ZMYM2: variants seen among roughly 807,000 people sequenced by gnomAD.
The protein encoded by ZMYM2 is zinc finger MYM-type protein 2.
In ZMYM2, 56 loss-of-function variants were observed where a neutral mutation model predicts 162.8. The observed-to-expected ratio is 0.34, with a 90% confidence interval of 0.28 to 0.43. ZMYM2 has a LOEUF of 0.43. Ranked by LOEUF, ZMYM2 falls within the 20% of genes least tolerant of loss-of-function variation. The pLI, the probability that ZMYM2 is intolerant of heterozygous loss-of-function variation, is 1.00. For synonymous variants in ZMYM2, 510 were observed against 541.6 expected, an observed-to-expected ratio of 0.94 and a Z score of 0.81; for missense variants, 1,275 against 1,621.8, an observed-to-expected ratio of 0.79 and a Z score of 3.67.
the ZMYM2 span, among the ~76,000 whole-genome samples, chr13:19,897,072 CAAAA>C: frequency 9.0e-6 from 1 of 111,444 alleles, no homozygotes. Flanking sequence ...GACTCTGCCT[CAAAA>C]AAAAAAAAAA....
chr13:20,072,571 C>T (rs1244810169), intron 21 of ZMYM2, among the ~76,000 whole-genome samples: 1 of 151,982 alleles, frequency 6.6e-6, no homozygotes, highest in Admixed American at 6.6e-5. Flanking sequence ...GGGAAATATT[C>T]CTTCCTCCTA....
the ZMYM2 span, among the ~76,000 whole-genome samples, chr13:19,941,268 G>A: frequency 2.6e-5 from 4 of 151,008 alleles, no homozygotes; most frequent in South Asian, 2.1e-4. Flanking sequence ...AGATTGTGCC[G>A]CTGCACTCCA....
the ZMYM2 span, among the ~76,000 whole-genome samples, chr13:19,912,889 C>T: frequency 6.6e-6 from 1 of 152,152 alleles, no homozygotes; most frequent in East Asian, 1.9e-4. Context: ...GTTACACCTG[C>T]CCCCAACTAT....
intron 3 of ZMYM2, among the ~76,000 whole-genome samples, chr13:19,997,021 C>T (rs747796347): frequency 4.6e-5 from 7 of 152,140 alleles, no homozygotes; most frequent in East Asian, 1.9e-4. Context: ...CAGCAGCCTG[C>T]GCAACACAGT....
chr13:20,057,429 C>T (rs766245107), intron 14 of ZMYM2, among the ~76,000 whole-genome samples: 17 of 152,006 alleles, frequency 1.1e-4, no homozygotes, highest in Admixed American at 1.3e-4. Context: ...TGAGCCAATG[C>T]CCCCGGCCAG....
intron 3 of ZMYM2, among the ~76,000 whole-genome samples, chr13:19,995,479 C>G (rs1023809855): frequency 9.2e-5 from 14 of 152,130 alleles, no homozygotes; most frequent in African/African-American, 3.1e-4. Flanking sequence ...GGTGCAATCT[C>G]GGCTGACTGC....
chr13:19,892,628 A>G, the ZMYM2 span, among the ~76,000 whole-genome samples: 1 of 151,292 alleles, frequency 6.6e-6, no homozygotes, highest in Non-Finnish European at 1.5e-5. Flanking sequence ...TTTTGTGGGA[A>G]TTACATTTTT....
chr13:19,965,427 G>A (rs1195981167), intron 2 of ZMYM2: 6 of 405,414 alleles, frequency 1.5e-5, no homozygotes, highest in African/African-American at 1.1e-4. Flanking sequence ...GGAATATCAA[G>A]TTGGACTAGA....
chr13:20,015,409 A>G (rs1049251455), intron 6 of ZMYM2, among the ~76,000 whole-genome samples: 1 of 152,200 alleles, frequency 6.6e-6, no homozygotes, highest in African/African-American at 2.4e-5. Context: ...TGTGCATTTG[A>G]GAAGAATGTT....
intron 21 of ZMYM2, among the ~76,000 whole-genome samples, chr13:20,074,233 T>TGA (rs1374730715): frequency 4.9e-5 from 7 of 143,098 alleles, no homozygotes; most frequent in African/African-American, 2.0e-4. Context: ...TGTGTGTGTG[T>TGA]GTGTGAGAGA....
Position 20,083,707 on chromosome 13 carries a change from A to C in ZMYM2, c.3872A>C (p.Glu1291Ala). Residue 1291 changes from glutamate to alanine, a missense_variant, in exon 24 of 25, where the codon GAA becomes GCA. By Grantham distance (107) the Glu-to-Ala change is moderately radical. Coordinates refer to ENST00000610343, the MANE Select transcript of ZMYM2 (RefSeq NM_197968.4). Reference sequence around the variant, plus strand: ...CATGAAGATGATGAGCCAGTATTTGAACAAATTGAAAACACAGCCAATCCT... The same window carrying C: ...CATGAAGATGATGAGCCAGTATTTGCACAAATTGAAAACACAGCCAATCCT... ...RKHEDDEPVF[E>A]QIENTANPSR... The C allele has an allele frequency of 1.3e-6, 2 of 1,589,436 alleles. No individual in the cohort carries two copies. The highest frequency in any genetic ancestry group is 1.7e-6 in the Non-Finnish European group (2 of 1,165,626).
chr13:20,054,996 GTTT>G (rs34930892), intron 14 of ZMYM2, among the ~76,000 whole-genome samples: 17 of 142,920 alleles, frequency 1.2e-4, no homozygotes, highest in South Asian at 8.9e-4. Flanking sequence ...ACATGGGGTT[GTTT>G]TTTTTTTTTT....
the ZMYM2 span, among the ~76,000 whole-genome samples, chr13:19,940,701 AT>A: frequency 2.0e-5 from 3 of 152,194 alleles, no homozygotes; most frequent in East Asian, 5.8e-4. Flanking sequence ...CTACAATTCA[AT>A]TTCTCTAGGT....
intron 2 of ZMYM2, among the ~76,000 whole-genome samples, chr13:19,961,219 A>G (rs941574145): frequency 2.0e-5 from 3 of 152,058 alleles, no homozygotes; most frequent in Non-Finnish European, 4.4e-5. Context: ...AAAATTATCA[A>G]TACGTGCCCA....
the ZMYM2 span, among the ~76,000 whole-genome samples, chr13:19,909,406 T>C: frequency 6.6e-6 from 1 of 151,060 alleles, no homozygotes; most frequent in African/African-American, 2.4e-5. Context: ...CCCTCCTCAT[T>C]TTTTCTTCTT....
At chr13:19,919,797 C>G in the ZMYM2 span, among the ~76,000 whole-genome samples, 2 of 151,986 alleles carry the variant, frequency 1.3e-5, no homozygotes, top group Non-Finnish European at 2.9e-5. Context: ...CCTGCCTCAG[C>G]CTCCTGAGTA....
intron 2 of ZMYM2, among the ~76,000 whole-genome samples, chr13:19,986,129 C>T (rs1470206591): frequency 2.0e-5 from 3 of 151,956 alleles, no homozygotes; most frequent in Non-Finnish European, 4.4e-5. Context: ...TTGGAGGTTG[C>T]AGTGTTGCAG....
At chr13:20,067,107 G>A (rs948322925) in intron 20 of ZMYM2, 88 bp downstream of exon 20, 21 of 1,409,764 alleles carry the variant, frequency 1.5e-5, no homozygotes, top group Middle Eastern at 3.9e-4. Flanking sequence ...AAACATAAAT[G>A]TAACTTAAAA....
chr13:19,958,580 C>T (rs1363681360), upstream of ZMYM2: 5 of 151,640 alleles, frequency 3.3e-5, no homozygotes, highest in African/African-American at 4.8e-5. Flanking sequence ...CCCTTCGGAC[C>T]ACCCTACCGA....
Sources: allele counts gnomAD v4.1 joint callset (sites outside exome capture counted in the v4.1 genomes callset), GRCh38; gene constraint gnomAD v4.1.1; transcripts MANE v1.5; gene names NCBI Gene and HGNC (gene_info 2026-07-23, HGNC 2026-07-21).